RGS6: variants seen among roughly 807,000 people sequenced by gnomAD.
The protein encoded by RGS6 is regulator of G-protein signaling 6.
In RGS6, 30 loss-of-function variants were observed where a neutral mutation model predicts 78.5. That is an observed-to-expected ratio of 0.38 (90% confidence interval 0.29 to 0.52). RGS6 has a LOEUF of 0.52. Ranked by LOEUF, RGS6 falls within the 20% of genes least tolerant of loss-of-function variation. The probability of loss-of-function intolerance (pLI) is 0.85; values close to 1 mark genes in which losing one functional copy is unlikely to be tolerated. For synonymous variants in RGS6, 206 were observed against 206.0 expected (o/e 1.00, Z 0.00); for missense variants, 495 against 609.7 (o/e 0.81, Z 1.98).
At chr14:72,145,286 C>T (rs2096593021) in intron 2 of RGS6, among the ~76,000 whole-genome samples, 2 of 152,038 alleles carry the variant, frequency 1.3e-5, no homozygotes, top group African/African-American at 2.4e-5. Flanking sequence ...GCAGACTGGT[C>T]CCTAGGCAAG....
At chr14:72,263,143 CTG>C (rs1405793198) in intron 2 of RGS6, among the ~76,000 whole-genome samples, 1 of 152,206 alleles carries the variant, frequency 6.6e-6, no homozygotes, top group East Asian at 1.9e-4. Flanking sequence ...GCAGATCAAA[CTG>C]TAAGGCATGT....
intron 2 of RGS6, among the ~76,000 whole-genome samples, chr14:72,348,982 T>C (rs35129690): frequency 0.051 from 7,797 of 151,860 alleles, 323 homozygotes; most frequent in East Asian, 0.26. Flanking sequence ...CTGGCTAACA[T>C]GGTGAAACCC....
intron 2 of RGS6, among the ~76,000 whole-genome samples, chr14:72,314,576 C>G (rs1411703224): frequency 2.6e-5 from 4 of 152,150 alleles, no homozygotes; most frequent in African/African-American, 9.7e-5. Context: ...AAGCACACAA[C>G]AGTATATACT....
chr14:72,245,820 A>C (rs1387676414), intron 2 of RGS6, among the ~76,000 whole-genome samples: 2 of 152,204 alleles, frequency 1.3e-5, no homozygotes, highest in Non-Finnish European at 2.9e-5. Flanking sequence ...GTCATGGAGA[A>C]ATGTGTTAGG....
chr14:72,421,334 GGGTAGGATCTTCCT>G (rs922396907), intron 3 of RGS6: 1 of 152,008 alleles, frequency 6.6e-6, no homozygotes, highest in African/African-American at 2.4e-5. Flanking sequence ...AGTGAGGGTG[GGGTAGGATCTTCCT>G]GGTCATCAAA....
intron 3 of RGS6, among the ~76,000 whole-genome samples, chr14:72,389,117 A>AATC (rs2089217492): frequency 6.6e-6 from 1 of 152,172 alleles, no homozygotes; most frequent in Non-Finnish European, 1.5e-5. Context: ...CTCCTGCATC[A>AATC]TGCTGGGAAT....
chr14:72,129,212 T>G (rs1398693403), intron 2 of RGS6, among the ~76,000 whole-genome samples: 3 of 152,188 alleles, frequency 2.0e-5, no homozygotes, highest in African/African-American at 7.2e-5. Flanking sequence ...AAGGCAATAC[T>G]GCTGGAAGAT....
chr14:72,034,976 A>C (rs570657293), intron 2 of RGS6, among the ~76,000 whole-genome samples: 13 of 152,326 alleles, frequency 8.5e-5, no homozygotes, highest in Admixed American at 2.6e-4. Flanking sequence ...TGTCATTCTG[A>C]GTAGCATGAT....
chr14:72,230,315 G>A (rs1012249428), intron 2 of RGS6, among the ~76,000 whole-genome samples: 4 of 152,180 alleles, frequency 2.6e-5, no homozygotes, highest in Admixed American at 2.0e-4. Flanking sequence ...GCACCAAGAT[G>A]TTTATATGTA....
chr14:72,047,788 C>T lies in RGS6; in HGVS notation c.84+82913C>T, dbSNP rs117600477. On this transcript the variant is annotated intron_variant, in intron 2 of 17. Transcript: ENST00000553525. Reference sequence around the variant, plus strand: ...TGTCACCCAGGCTGGACTGCAATGGCGCGCTCAGTTCACTGCAACCTCTGC... The same window carrying T: ...TGTCACCCAGGCTGGACTGCAATGGTGCGCTCAGTTCACTGCAACCTCTGC... Among the ~76,000 whole-genome samples, 1,234 of 151,812 alleles carry T rather than the reference C, an allele frequency of 8.1e-3. 9 individuals carry two copies. The highest frequency in any genetic ancestry group is 0.011 in the Non-Finnish European group (716 of 67,942).
At chr14:72,518,289 T>A (rs755137362) in intron 14 of RGS6, 62 bp from the exon 15 acceptor site, 1 of 1,526,856 alleles carries the variant, frequency 6.5e-7, no homozygotes, top group Non-Finnish European at 9.0e-7. Flanking sequence ...TCTGGGGCCA[T>A]CTCAGGCAAC....
intron 2 of RGS6, among the ~76,000 whole-genome samples, chr14:72,161,803 T>G (rs181749827): frequency 6.6e-6 from 1 of 152,276 alleles, no homozygotes; most frequent in East Asian, 1.9e-4. Context: ...TCAACTAGAG[T>G]GCTGGATAAC....
intron 2 of RGS6, among the ~76,000 whole-genome samples, chr14:72,341,245 G>A (rs1469840094): frequency 1.3e-5 from 2 of 152,156 alleles, no homozygotes; most frequent in Non-Finnish European, 2.9e-5. Flanking sequence ...TCTGCAGAAG[G>A]AGGAAAAGAG....
chr14:72,221,692 A>T (rs1599784902), intron 2 of RGS6, among the ~76,000 whole-genome samples: 1 of 152,320 alleles, frequency 6.6e-6, no homozygotes, highest in Middle Eastern at 3.4e-3. Context: ...TGATGCAAAA[A>T]TGTAGCAAAG....
chr14:72,148,725 C>T (rs1027059889), intron 2 of RGS6, among the ~76,000 whole-genome samples: 4 of 152,106 alleles, frequency 2.6e-5, no homozygotes, highest in Admixed American at 6.5e-5. Context: ...GATGAATGGT[C>T]ACACCATTCA....
chr14:72,478,947 C>A (rs2096304571), intron 12 of RGS6, among the ~76,000 whole-genome samples: 3 of 152,222 alleles, frequency 2.0e-5, no homozygotes. Context: ...TTTAACTCTT[C>A]CGTGAAGATG....
intron 3 of RGS6, among the ~76,000 whole-genome samples, chr14:72,409,107 C>A (rs1387905987): frequency 6.6e-6 from 1 of 152,164 alleles, no homozygotes; most frequent in African/African-American, 2.4e-5. Flanking sequence ...AGTGAGGGGT[C>A]CCTCTTGTTC....
At chr14:72,573,421 A>G in the RGS6 span, among the ~76,000 whole-genome samples, 1 of 152,194 alleles carries the variant, frequency 6.6e-6, no homozygotes, top group Admixed American at 6.5e-5. Context: ...AAAGAGTCCC[A>G]GGCCCCACAT....
At chr14:72,348,788 T>C (rs1244561235) in intron 2 of RGS6, among the ~76,000 whole-genome samples, 1 of 152,224 alleles carries the variant, frequency 6.6e-6, no homozygotes, top group African/African-American at 2.4e-5. Flanking sequence ...CTTCAGAAAT[T>C]TCTGATAAAT....
Sources: allele counts gnomAD v4.1 joint callset (sites outside exome capture counted in the v4.1 genomes callset), GRCh38; gene constraint gnomAD v4.1.1; transcripts MANE v1.5; gene names NCBI Gene and HGNC (gene_info 2026-07-23, HGNC 2026-07-21).